ZNF721: variants seen among roughly 807,000 people sequenced by gnomAD.
The protein encoded by ZNF721 is zinc finger protein 721.
Under a neutral mutation model 2.4 loss-of-function variants are expected in ZNF721, and 2 were observed. That is an observed-to-expected ratio of 0.82 (90% CI 0.34 to 2.58). The LOEUF is 2.58. Ranked by LOEUF, ZNF721 falls within the 30% of genes most tolerant of loss-of-function variation. The pLI is 0.11. For synonymous variants in ZNF721, 398 were observed against 381.8 expected, an observed-to-expected ratio of 1.04 and a Z score of -0.50; for missense variants, 1,187 against 1,085.5, an observed-to-expected ratio of 1.09 and a Z score of -1.31.
rs1343953202 is a variant in ZNF721 at position 499,090 on chromosome 4, G to A, written c.-128C>T. 1.1e-5 allele frequency: 6 copies of A among 539,124 alleles called. No homozygotes were observed. The highest frequency in any genetic ancestry group is 2.0e-5 in the African/African-American group (1 of 50,004). 33.4% of individuals were successfully genotyped at this position (539,124 alleles called of 1,614,324 possible). A position where few individuals can be genotyped will look rare whatever the true frequency, so the allele number is the denominator to read the frequency against. ...GGCGGCGACCGTCGCGGACTCGCCG[G>A]GAAGACGGCCCCACGGAGCCGGGAA... is the stretch of plus-strand genomic sequence containing the variant. On this transcript the variant is annotated 5_prime_UTR_variant, in exon 1 of 3. Transcript: ENST00000511833.
intron 1 of ZNF721, among the ~76,000 whole-genome samples, chr4:487,311 T>C (rs1715921745): frequency 6.6e-6 from 1 of 152,174 alleles, no homozygotes; most frequent in South Asian, 2.1e-4. Context: ...CTTCCATCTC[T>C]ATGACAACAA....
intron 2 of ZNF721, among the ~76,000 whole-genome samples, chr4:460,133 GAACA>G (rs1715014001): frequency 6.6e-6 from 1 of 152,134 alleles, no homozygotes; most frequent in Non-Finnish European, 1.5e-5. Context: ...CAAATCAATA[GAACA>G]TACATTATTC....
At chr4:470,688 C>T (rs565883283) in intron 2 of ZNF721, among the ~76,000 whole-genome samples, 42 of 151,126 alleles carry the variant, frequency 2.8e-4, no homozygotes, top group African/African-American at 7.8e-4. Context: ...TACTCCAGCC[C>T]GGGCAACAAG....
intron 2 of ZNF721, among the ~76,000 whole-genome samples, chr4:448,825 C>T (rs1488950018): frequency 2.0e-5 from 3 of 152,196 alleles, no homozygotes; most frequent in Non-Finnish European, 4.4e-5. Flanking sequence ...ATTACTGCAG[C>T]ATTGTTACTG....
chr4:493,212 T>C lies in ZNF721; in HGVS notation c.-94+5844A>G, dbSNP rs1716069538. Among the ~76,000 whole-genome samples, 3 of 152,322 alleles carry C rather than the reference T, an allele frequency of 2.0e-5. No individual in the cohort carries two copies. The Middle Eastern group carries it at 0.01, about 522-fold the overall frequency. On this transcript the variant is annotated intron_variant, in intron 1 of 2. Coordinates refer to ENST00000511833, the MANE Select transcript of ZNF721 (RefSeq NM_133474.4). The stretch of plus-strand genomic sequence containing the variant: ...AAAATATGGCCTAACAGATTCCATT[T>C]TCCTTTTAACCTCCAAACTGTCCTT...
intron 2 of ZNF721, among the ~76,000 whole-genome samples, chr4:462,897 A>G (rs1011449126): frequency 3.9e-5 from 6 of 152,230 alleles, no homozygotes; most frequent in African/African-American, 1.4e-4. Context: ...GCCAAAATTG[A>G]CAAAAGGGAC....
chr4:472,868 C>T (rs1431231808), intron 1 of ZNF721, among the ~76,000 whole-genome samples, 167 bp from the exon 2 acceptor site: 2 of 152,020 alleles, frequency 1.3e-5, no homozygotes, highest in African/African-American at 4.8e-5. Context: ...AAAAGGAAGG[C>T]ATTCCAACAG....
At chr4:481,890 C>T (rs1354702321) in intron 1 of ZNF721, among the ~76,000 whole-genome samples, 3 of 152,150 alleles carry the variant, frequency 2.0e-5, no homozygotes, top group Non-Finnish European at 4.4e-5. Flanking sequence ...GACACGCATA[C>T]GCTGCCTAAT....
chr4:444,811 G>C (rs1039156909), intron 2 of ZNF721, among the ~76,000 whole-genome samples: 4 of 152,018 alleles, frequency 2.6e-5, no homozygotes, highest in Admixed American at 1.3e-4. Flanking sequence ...CTTATTTCTG[G>C]CTTTTGGGGT....
chr4:471,798 T>C (rs1715444589), intron 2 of ZNF721, among the ~76,000 whole-genome samples: 1 of 152,150 alleles, frequency 6.6e-6, no homozygotes. Context: ...TTGATCAACT[T>C]GATTATATTT....
intron 2 of ZNF721, among the ~76,000 whole-genome samples, chr4:448,985 CAG>C (rs1210285491): frequency 1.3e-5 from 2 of 152,084 alleles, no homozygotes; most frequent in Non-Finnish European, 2.9e-5. Context: ...CATGAAGAGA[CAG>C]AAACTGTATG....
At chr4:447,841 CA>C (rs35755372) in intron 2 of ZNF721, among the ~76,000 whole-genome samples, 60,947 of 151,880 alleles carry the variant, frequency 0.4, 12,586 homozygotes, top group African/African-American at 0.5. Flanking sequence ...ACTGGGAACT[CA>C]ACGACAAATG....
At chr4:479,586 C>G (rs1560241069) in intron 1 of ZNF721, among the ~76,000 whole-genome samples, 2 of 152,238 alleles carry the variant, frequency 1.3e-5, no homozygotes. Flanking sequence ...GTGACAGATG[C>G]AAGGGCCCTG....
chr4:464,986 G>C (rs527627515), intron 2 of ZNF721, among the ~76,000 whole-genome samples: 24 of 151,960 alleles, frequency 1.6e-4, no homozygotes, highest in African/African-American at 5.5e-4. Context: ...TCGGGAGGCT[G>C]AGGCAGAAGA....
At chr4:460,902 A>G (rs1553865978) in intron 2 of ZNF721, among the ~76,000 whole-genome samples, 1 of 152,206 alleles carries the variant, frequency 6.6e-6, no homozygotes, top group East Asian at 1.9e-4. Context: ...ACCAGGAAGA[A>G]GTTGAACCCC....
intron 1 of ZNF721, among the ~76,000 whole-genome samples, chr4:485,799 A>T (rs1170449260): frequency 6.6e-6 from 1 of 151,986 alleles, no homozygotes; most frequent in African/African-American, 2.4e-5. Flanking sequence ...CATGGGTGAA[A>T]CCCCGTCTCT....
At chr4:475,665 G>A (rs1173165312) in intron 1 of ZNF721, among the ~76,000 whole-genome samples, 2 of 151,662 alleles carry the variant, frequency 1.3e-5, no homozygotes, top group Non-Finnish European at 2.9e-5. Context: ...CAACCTGTTA[G>A]CTATGCATGA....
chr4:445,674 TAAAA>T (rs1176628787), intron 2 of ZNF721, among the ~76,000 whole-genome samples: 2 of 151,576 alleles, frequency 1.3e-5, no homozygotes, highest in South Asian at 4.2e-4. Context: ...ATTAAAAACA[TAAAA>T]AAAGGAGGTG....
intron 2 of ZNF721, among the ~76,000 whole-genome samples, chr4:446,415 C>CT (rs1299689176): frequency 8.2e-5 from 12 of 146,944 alleles, no homozygotes; most frequent in African/African-American, 2.8e-4. Flanking sequence ...GAGTCTCACT[C>CT]TGTCACCCAG....
Sources: allele counts gnomAD v4.1 joint callset (sites outside exome capture counted in the v4.1 genomes callset), GRCh38; gene constraint gnomAD v4.1.1; transcripts MANE v1.5; gene names NCBI Gene and HGNC (gene_info 2026-07-23, HGNC 2026-07-21).